DYRK1A: variants seen among roughly 807,000 people sequenced by gnomAD.
The protein encoded by DYRK1A is dual specificity tyrosine phosphorylation regulated kinase 1A, also known as dual specificity tyrosine-phosphorylation-regulated kinase 1A.
DYRK1A carries 9 observed loss-of-function variants against 79.7 expected under a neutral mutation model. The ratio of observed to expected loss-of-function variants is 0.11; its 90% CI spans 0.07 to 0.20. The LOEUF (loss-of-function observed/expected upper bound fraction) is 0.20, where lower values mean the gene tolerates loss of function less well. Among genes scored for constraint, DYRK1A ranks in the 10% least tolerant of loss-of-function variants. The probability of loss-of-function intolerance (pLI) is 1.00; values close to 1 mark genes in which losing one functional copy is unlikely to be tolerated. For missense variants in DYRK1A, 622 were observed against 956.0 expected, an observed-to-expected ratio of 0.65 and a Z score of 4.61; for synonymous variants, 349 against 329.7, an observed-to-expected ratio of 1.06 and a Z score of -0.63.
At chr21:37,457,113 A>G (rs1789843144) in intron 2 of DYRK1A, among the ~76,000 whole-genome samples, 1 of 151,942 alleles carries the variant, frequency 6.6e-6, no homozygotes, top group South Asian at 2.1e-4. Flanking sequence ...TCTGTTGCTC[A>G]GGCTGGAGTG....
chr21:37,399,292 C>T (rs2050012967), intron 1 of DYRK1A, among the ~76,000 whole-genome samples: 1 of 152,058 alleles, frequency 6.6e-6, no homozygotes, highest in Non-Finnish European at 1.5e-5. Flanking sequence ...AAGACTCTTC[C>T]TCCTTTTTCA....
At chr21:37,391,118 C>G (rs1308308951) in intron 1 of DYRK1A, among the ~76,000 whole-genome samples, 2 of 152,190 alleles carry the variant, frequency 1.3e-5, no homozygotes, top group African/African-American at 2.4e-5. Context: ...AATTTCAGAA[C>G]TCTTCCTAGT....
chr21:37,480,571 A>G, intron 4 of DYRK1A, 67 bp from the exon 5 acceptor site: 1 of 1,268,772 alleles, frequency 7.9e-7, no homozygotes, highest in East Asian at 2.4e-5. Flanking sequence ...GTGTCAATAT[A>G]CTCTGATAAT....
At chr21:37,488,800 C>T in intron 6 of DYRK1A, 2 of 985,278 alleles carry the variant, frequency 2.0e-6, no homozygotes, top group South Asian at 9.4e-5. Flanking sequence ...TTACTTTTTG[C>T]ATTCATTTAG....
chr21:37,379,312 A>G (rs1190650343), intron 1 of DYRK1A, among the ~76,000 whole-genome samples: 1 of 152,192 alleles, frequency 6.6e-6, no homozygotes, highest in Non-Finnish European at 1.5e-5. Flanking sequence ...TGGAAGACAG[A>G]TGGGAAAACC....
chr21:37,389,308 C>A (rs1035851672), intron 1 of DYRK1A, among the ~76,000 whole-genome samples: 1 of 151,230 alleles, frequency 6.6e-6, no homozygotes, highest in Middle Eastern at 3.2e-3. Context: ...GGAATATAGG[C>A]GTACACCACC....
intron 2 of DYRK1A, among the ~76,000 whole-genome samples, chr21:37,422,515 G>A (rs959586639): frequency 8.5e-5 from 13 of 152,212 alleles, no homozygotes; most frequent in Admixed American, 3.9e-4. Flanking sequence ...CATTGTTCAT[G>A]GTACTGGCTT....
intron 2 of DYRK1A, among the ~76,000 whole-genome samples, chr21:37,420,804 C>A (rs145531631): frequency 6.4e-4 from 98 of 152,206 alleles, no homozygotes; most frequent in African/African-American, 2.3e-3. Context: ...TATACCCATA[C>A]ATACGGTTTC....
chr21:37,411,076 G>A (rs1338608456), intron 1 of DYRK1A, among the ~76,000 whole-genome samples: 108 of 59,728 alleles, frequency 1.8e-3, no homozygotes, highest in East Asian at 4.0e-3. Flanking sequence ...AAAAAAAAAA[G>A]CCCAGGCGTG....
In DYRK1A at chr21:37,490,194, T is replaced by C. The variant is rs1246988895; in HGVS notation, c.657T>C (p.Phe219=). 6.2e-7 allele frequency: 1 copy of C among 1,612,928 alleles called. No individual in the cohort carries two copies. Among genetic ancestry groups the C allele is most frequent in the Admixed American group, 1.7e-5 (1 of 59,930 alleles). Residue 219 remains phenylalanine (F), a synonymous_variant, in exon 7 of 12, where the codon TTT becomes TTC. Coordinates refer to ENST00000647188, the MANE Select transcript of DYRK1A (RefSeq NM_001347721.2). ...KYYIVHLKRH[F]MFRNHLCLVF... is the part of the protein sequence containing the mutation. ...TTTCAGTGCATTTGAAACGCCACTTTATGTTTCGAAACCATCTCTGTTTAG... is the reference window on the plus strand; with the variant it reads ...TTTCAGTGCATTTGAAACGCCACTTCATGTTTCGAAACCATCTCTGTTTAG...
At chr21:37,398,041 T>TG (rs2093447976) in intron 1 of DYRK1A, among the ~76,000 whole-genome samples, 1 of 146,590 alleles carries the variant, frequency 6.8e-6, no homozygotes, top group African/African-American at 2.5e-5. Context: ...GAGAGCAGCC[T>TG]GGGAACATAG....
At chr21:37,411,705 A>G (rs2050248383) in intron 1 of DYRK1A, among the ~76,000 whole-genome samples, 2 of 152,214 alleles carry the variant, frequency 1.3e-5, no homozygotes, top group Non-Finnish European at 2.9e-5. Context: ...TTAAGGTTTA[A>G]GTTTTAATTT....
chr21:37,484,281 C>T (rs993882156), intron 5 of DYRK1A, among the ~76,000 whole-genome samples: 16 of 152,066 alleles, frequency 1.1e-4, no homozygotes, highest in South Asian at 6.3e-4. Context: ...GTGCTACCTC[C>T]GCCATGAAAA....
intron 2 of DYRK1A, among the ~76,000 whole-genome samples, chr21:37,460,039 TGTGA>T (rs1418228499): frequency 3.3e-5 from 5 of 152,310 alleles, no homozygotes; most frequent in African/African-American, 1.2e-4. Flanking sequence ...TAAACATGTT[TGTGA>T]GTATTTTGTA....
At chr21:37,377,266 C>T (rs976142449) in intron 1 of DYRK1A, among the ~76,000 whole-genome samples, 2 of 152,020 alleles carry the variant, frequency 1.3e-5, no homozygotes, top group African/African-American at 4.8e-5. Context: ...ACTACAGGCC[C>T]CTGCCACCAC....
At chr21:37,417,182 T>G (rs1256721242) in intron 1 of DYRK1A, among the ~76,000 whole-genome samples, 1 of 152,048 alleles carries the variant, frequency 6.6e-6, no homozygotes, top group African/African-American at 2.4e-5. Context: ...GATCTCTGTT[T>G]ATTAGTGTAT....
chr21:37,458,172 T>TA (rs766014561), intron 2 of DYRK1A, among the ~76,000 whole-genome samples: 2 of 151,960 alleles, frequency 1.3e-5, no homozygotes, highest in Admixed American at 6.6e-5. Flanking sequence ...TTTTTGTACT[T>TA]ACGGGTTTCT....
intron 2 of DYRK1A, among the ~76,000 whole-genome samples, chr21:37,464,455 C>G (rs2051957148): frequency 6.6e-6 from 1 of 152,106 alleles, no homozygotes; most frequent in African/African-American, 2.4e-5. Context: ...TTCAGAAGCA[C>G]GTAAAGACAG....
intron 9 of DYRK1A, among the ~76,000 whole-genome samples, chr21:37,496,990 T>G (rs2053288650): frequency 2.0e-5 from 3 of 152,202 alleles, no homozygotes; most frequent in South Asian, 4.1e-4. Flanking sequence ...GTAATTTACT[T>G]TGGTCCTAGT....
Sources: allele counts gnomAD v4.1 joint callset (sites outside exome capture counted in the v4.1 genomes callset), GRCh38; gene constraint gnomAD v4.1.1; transcripts MANE v1.5; gene names NCBI Gene and HGNC (gene_info 2026-07-23, HGNC 2026-07-21).